The following LGR4 variants were observed in gnomAD, a reference collection of about 807,000 sequenced individuals.
LGR4 encodes leucine rich repeat containing G protein-coupled receptor 4, also known as leucine-rich repeat-containing G protein-coupled receptor 4.
A neutral mutation model predicts 84.8 loss-of-function variants in LGR4; 44 were observed. The observed-to-expected ratio is 0.52, with a 90% CI of 0.41 to 0.67. The LOEUF is 0.67. Among genes scored for constraint, LGR4 ranks in the 30% least tolerant of loss-of-function variants. The pLI is 0.00. For missense variants in LGR4, 1,032 were observed against 1,131.4 expected (o/e 0.91, Z 1.26); for synonymous variants, 429 against 434.3 (o/e 0.99, Z 0.15).
intron 1 of LGR4, among the ~76,000 whole-genome samples, chr11:27,430,198 T>C (rs551153553): frequency 1.3e-5 from 2 of 152,270 alleles, no homozygotes; most frequent in East Asian, 3.9e-4. Context: ...AAAGACACCA[T>C]CACTTAAGTG....
At chr11:27,414,557 T>C (rs928976590) in intron 1 of LGR4, among the ~76,000 whole-genome samples, 1 of 152,124 alleles carries the variant, frequency 6.6e-6, no homozygotes, top group African/African-American at 2.4e-5. Flanking sequence ...TGTTATATCA[T>C]TGAAAACAAC....
At chr11:27,394,370 C>T (rs1057493418) in intron 2 of LGR4, among the ~76,000 whole-genome samples, 2 of 152,072 alleles carry the variant, frequency 1.3e-5, no homozygotes, top group Non-Finnish European at 2.9e-5. Flanking sequence ...GACTAGCCAG[C>T]TTTATCACTA....
intron 1 of LGR4, among the ~76,000 whole-genome samples, chr11:27,445,064 A>C (rs1455582473): frequency 1.3e-5 from 2 of 152,172 alleles, no homozygotes; most frequent in Non-Finnish European, 2.9e-5. Context: ...CAGCTGCCCT[A>C]CAGAAGACTA....
chr11:27,378,874 T>G, intron 10 of LGR4, 106 bp from the exon 11 acceptor site: 1 of 741,154 alleles, frequency 1.3e-6, no homozygotes, highest in Non-Finnish European at 2.3e-6. Context: ...TGGACTAGAT[T>G]CTATACATCC....
chr11:27,391,567 T>C (rs1362681900), intron 3 of LGR4, among the ~76,000 whole-genome samples: 1 of 152,134 alleles, frequency 6.6e-6, no homozygotes, highest in Non-Finnish European at 1.5e-5. Flanking sequence ...CCTTTTCAAA[T>C]TGGAATAAAG....
chr11:27,472,758 C>G lies in LGR4; in HGVS notation c.-456G>C, dbSNP rs1015718501. Reference sequence around the variant, plus strand: ...TCTCCCAGCCGCGGCTCAATCTCTTCCCGTCCTTTTCCCTTCTAGGGTTGC... The same window carrying G: ...TCTCCCAGCCGCGGCTCAATCTCTTGCCGTCCTTTTCCCTTCTAGGGTTGC... On this transcript the variant is annotated 5_prime_UTR_variant, in exon 1 of 18. Coordinates refer to ENST00000379214, the MANE Select transcript of LGR4 (RefSeq NM_018490.5). 5.8e-6 allele frequency: 2 copies of G among 346,254 alleles called. No individual in the cohort carries two copies. The highest frequency in any genetic ancestry group is 1.0e-5 in the Non-Finnish European group (2 of 193,024). The allele number at this position is 346,254 out of a possible 1,614,324, so 21.4% of individuals were successfully genotyped here. A position where few individuals can be genotyped will look rare whatever the true frequency, so the allele number is the denominator to read the frequency against.
In LGR4 at chr11:27,372,328, T is replaced by C. The variant is rs1862900062; in HGVS notation, c.1450A>G (p.Thr484Ala). 1.9e-6 allele frequency: 3 copies of C among 1,613,682 alleles called. No homozygotes were observed. Among genetic ancestry groups the C allele is most frequent in the Non-Finnish European group, 2.5e-6 (3 of 1,179,704 alleles). The change falls in exon 16 of 18, where the codon ACA becomes GCA. Residue 484 changes from threonine (T) to alanine (A), a missense_variant. By Grantham distance (58) the Thr-to-Ala change is moderately conservative. Coordinates refer to ENST00000379214, the MANE Select transcript of LGR4 (RefSeq NM_018490.5). ...TGGTCCTGGAGGCTGTTATCTTCTG[T>C]GTTTAAATTTGCATAAGAGTCACAA... Reference protein sequence around the residue: ...WGCDSYANLNTEDNSLQDHSV... With the variant: ...WGCDSYANLNAEDNSLQDHSV...
At chr11:27,444,168 C>T (rs1041253041) in intron 1 of LGR4, among the ~76,000 whole-genome samples, 1 of 151,810 alleles carries the variant, frequency 6.6e-6, no homozygotes, top group Non-Finnish European at 1.5e-5. Context: ...GCAACTGAAA[C>T]ACTGTTAAAA....
At chr11:27,444,591 T>TC (rs1272737973) in intron 1 of LGR4, among the ~76,000 whole-genome samples, 2 of 152,232 alleles carry the variant, frequency 1.3e-5, no homozygotes, top group African/African-American at 4.8e-5. Context: ...TTTGTGTAGG[T>TC]CTATAATTGA....
chr11:27,453,683 T>A (rs1237476052), intron 1 of LGR4, among the ~76,000 whole-genome samples: 2 of 152,158 alleles, frequency 1.3e-5, no homozygotes, highest in African/African-American at 2.4e-5. Flanking sequence ...CCCTAACACA[T>A]CAGACACTTA....
intron 2 of LGR4, among the ~76,000 whole-genome samples, chr11:27,395,084 G>C (rs1863362542): frequency 6.6e-6 from 1 of 152,098 alleles, no homozygotes; most frequent in South Asian, 2.1e-4. Context: ...GCTCACAGCT[G>C]TAATGCAAAG....
At chr11:27,448,299 T>TC (rs1565096996) in intron 1 of LGR4, among the ~76,000 whole-genome samples, 1 of 151,616 alleles carries the variant, frequency 6.6e-6, no homozygotes, top group East Asian at 1.9e-4. Context: ...TCTTTTCTTT[T>TC]TTTTTTTTTG....
At chr11:27,388,602 T>A (rs938526428) in intron 4 of LGR4, among the ~76,000 whole-genome samples, 6 of 152,142 alleles carry the variant, frequency 3.9e-5, no homozygotes, top group African/African-American at 1.4e-4. Context: ...AAAGCCTATT[T>A]TACAATTGAC....
chr11:27,411,943 G>A (rs554713916), intron 2 of LGR4, among the ~76,000 whole-genome samples: 13 of 152,086 alleles, frequency 8.5e-5, no homozygotes, highest in Middle Eastern at 3.4e-3. Context: ...TTCCTTCAGG[G>A]CTATATCTCT....
chr11:27,455,327 C>A (rs1470063791), intron 1 of LGR4, among the ~76,000 whole-genome samples: 1 of 152,000 alleles, frequency 6.6e-6, no homozygotes, highest in Admixed American at 6.6e-5. Context: ...GGAATTTGAG[C>A]CAGATCAACT....
At chr11:27,371,586 G>GT in intron 17 of LGR4, 29 bp downstream of exon 17, 1 of 1,474,594 alleles carries the variant, frequency 6.8e-7, no homozygotes, top group Non-Finnish European at 9.5e-7. Flanking sequence ...TTTAACATGG[G>GT]TAACTGTGAA....
chr11:27,471,940 C>G (rs1263955755), intron 1 of LGR4, 178 bp downstream of exon 1: 1 of 380,546 alleles, frequency 2.6e-6, no homozygotes, highest in East Asian at 4.2e-5. Flanking sequence ...GCGGAAAGCC[C>G]GTGGCACAGG....
intron 1 of LGR4, among the ~76,000 whole-genome samples, chr11:27,423,518 C>A (rs1863962023): frequency 6.6e-6 from 1 of 152,204 alleles, no homozygotes; most frequent in African/African-American, 2.4e-5. Context: ...TGTATTCTAT[C>A]CTTAAAGAAA....
intron 17 of LGR4, among the ~76,000 whole-genome samples, chr11:27,369,765 C>A (rs1390522056): frequency 6.6e-6 from 1 of 152,178 alleles, no homozygotes. Context: ...TGTATCTACA[C>A]ATATTTTTTA....
Sources: gnomAD v4.1 joint callset for allele counts (sites outside exome capture counted in the v4.1 genomes callset) on GRCh38, gnomAD v4.1.1 for gene constraint, MANE v1.5 for transcripts, NCBI Gene and HGNC (gene_info 2026-07-23, HGNC 2026-07-21) for gene names.